BICRAL: variants seen among roughly 807,000 people sequenced by gnomAD.
The protein encoded by BICRAL is BICRA like chromatin remodeling complex associated protein.
A neutral mutation model predicts 91.8 loss-of-function variants in BICRAL; 8 were observed. The observed-to-expected ratio is 0.09, with a 90% CI of 0.05 to 0.16. The LOEUF is 0.16. Ranked by LOEUF, BICRAL falls within the 10% of genes least tolerant of loss-of-function variation. The pLI is 1.00. For synonymous variants in BICRAL, 445 were observed against 491.1 expected (o/e 0.91, Z 1.24); for missense variants, 1,038 against 1,310.9 (o/e 0.79, Z 3.21).
intron 1 of BICRAL, among the ~76,000 whole-genome samples, chr6:42,748,895 C>T (rs1220653140): frequency 7.9e-5 from 12 of 152,196 alleles, no homozygotes. Context: ...CAGCATGCAT[C>T]TTTGAAATAT....
chr6:42,747,800 A>ATTTTT (rs1190497772), intron 1 of BICRAL, among the ~76,000 whole-genome samples: 1 of 112,954 alleles, frequency 8.9e-6, no homozygotes, highest in African/African-American at 3.4e-5. Context: ...TTTTTGTTTT[A>ATTTTT]TTTTGTTTTT....
chr6:42,842,480 T>C (rs1764829333), intron 6 of BICRAL, among the ~76,000 whole-genome samples: 1 of 152,146 alleles, frequency 6.6e-6, no homozygotes, highest in Non-Finnish European at 1.5e-5. Flanking sequence ...GGTTCTCTAG[T>C]CAGAAACCCT....
intron 2 of BICRAL, among the ~76,000 whole-genome samples, chr6:42,811,915 T>C (rs1026928146): frequency 4.6e-5 from 7 of 152,170 alleles, no homozygotes; most frequent in African/African-American, 1.4e-4. Context: ...TAGGGCAAAA[T>C]GAATCCTAAA....
intron 1 of BICRAL, among the ~76,000 whole-genome samples, chr6:42,803,589 T>G (rs1489161709): frequency 6.6e-6 from 1 of 152,190 alleles, no homozygotes; most frequent in Non-Finnish European, 1.5e-5. Flanking sequence ...CTTAGGAAAG[T>G]AATTGCATTG....
intron 9 of BICRAL, among the ~76,000 whole-genome samples, chr6:42,856,205 T>C (rs1765346316): frequency 6.6e-6 from 1 of 151,688 alleles, no homozygotes. Flanking sequence ...TAGTCCCAGC[T>C]ACTTGGGAGG....
intron 1 of BICRAL, among the ~76,000 whole-genome samples, chr6:42,757,782 C>T (rs116783392): frequency 0.07 from 10,719 of 152,328 alleles, 537 homozygotes; most frequent in Middle Eastern, 0.12. Context: ...GATGTACATA[C>T]TACTATTATT....
chr6:42,775,376 G>A (rs73428439), intron 1 of BICRAL, among the ~76,000 whole-genome samples: 2,938 of 152,270 alleles, frequency 0.019, 87 homozygotes, highest in African/African-American at 0.067. Flanking sequence ...TGTGCTTTGT[G>A]GTAGCACCTT....
intron 1 of BICRAL, among the ~76,000 whole-genome samples, chr6:42,772,709 C>G (rs566005441): frequency 6.6e-6 from 1 of 152,194 alleles, no homozygotes; most frequent in South Asian, 2.1e-4. Context: ...ACAACCAGCT[C>G]TAGAATCTAG....
chr6:42,798,644 T>G (rs1255686735), intron 1 of BICRAL, among the ~76,000 whole-genome samples: 5 of 152,110 alleles, frequency 3.3e-5, no homozygotes, highest in Admixed American at 1.3e-4. Context: ...TGTAGTGAGT[T>G]GAGATCAAGT....
At chr6:42,786,300 A>G (rs990642529) in intron 1 of BICRAL, among the ~76,000 whole-genome samples, 2 of 152,202 alleles carry the variant, frequency 1.3e-5, no homozygotes, top group African/African-American at 4.8e-5. Context: ...AGTTTTTGTA[A>G]GGAGCATTTG....
chr6:42,817,515 G>A (rs1390033138), intron 2 of BICRAL, among the ~76,000 whole-genome samples: 1 of 149,072 alleles, frequency 6.7e-6, no homozygotes, highest in Non-Finnish European at 1.5e-5. Context: ...TGGCTCTGTC[G>A]CTTTGGCTGG....
intron 2 of BICRAL, among the ~76,000 whole-genome samples, chr6:42,815,151 T>G (rs553949272): frequency 7.5e-4 from 114 of 151,204 alleles, no homozygotes; most frequent in South Asian, 4.0e-3. Context: ...AAGGGTGAAG[T>G]TTGGTTTTCT....
intron 1 of BICRAL, among the ~76,000 whole-genome samples, chr6:42,793,296 A>ATTTTTTTTTTTTTTTTTT (rs35332872): frequency 4.4e-4 from 10 of 22,974 alleles, no homozygotes; most frequent in East Asian, 1.8e-3. Flanking sequence ...GACCCAGCTA[A>ATTTTTTTTTTTTTTTTTT]TTTTTTTTTT....
chr6:42,785,180 G>A (rs929803805), intron 1 of BICRAL, among the ~76,000 whole-genome samples: 2 of 151,844 alleles, frequency 1.3e-5, no homozygotes, highest in Non-Finnish European at 2.9e-5. Flanking sequence ...AAAGTATGTT[G>A]TCTCATTCTA....
intron 1 of BICRAL, among the ~76,000 whole-genome samples, chr6:42,782,912 C>T (rs1406721795): frequency 2.1e-5 from 3 of 145,806 alleles, no homozygotes; most frequent in Non-Finnish European, 3.0e-5. Context: ...TTTTCTCTCT[C>T]GGAAGCTCTA....
chr6:42,783,997 T>TCTGC (rs1763025755), intron 1 of BICRAL, among the ~76,000 whole-genome samples: 1 of 152,214 alleles, frequency 6.6e-6, no homozygotes, highest in African/African-American at 2.4e-5. Context: ...ACATTGTCTG[T>TCTGC]CTGCCTTCCG....
chr6:42,790,880 G>T (rs572376407), intron 1 of BICRAL, among the ~76,000 whole-genome samples: 1 of 152,018 alleles, frequency 6.6e-6, no homozygotes, highest in East Asian at 1.9e-4. Context: ...AAGGTGGGCT[G>T]GGGGAGTTGG....
chr6:42,785,921 G>A (rs1397955743), intron 1 of BICRAL, among the ~76,000 whole-genome samples: 1 of 152,196 alleles, frequency 6.6e-6, no homozygotes, highest in Non-Finnish European at 1.5e-5. Context: ...GGGCTTGGTG[G>A]GCACATGCCT....
intron 1 of BICRAL, among the ~76,000 whole-genome samples, chr6:42,770,476 G>A (rs1210467937): frequency 4.0e-5 from 6 of 148,604 alleles, no homozygotes; most frequent in African/African-American, 7.5e-5. Context: ...GTGCAGTGGC[G>A]CAATCTCAGC....
Sources: allele counts gnomAD v4.1 joint callset (sites outside exome capture counted in the v4.1 genomes callset), GRCh38; gene constraint gnomAD v4.1.1; transcripts MANE v1.5; gene names NCBI Gene and HGNC (gene_info 2026-07-23, HGNC 2026-07-21).